TAF2: variants seen among roughly 807,000 people sequenced by gnomAD.
TAF2 encodes transcription initiation factor TFIID subunit 2.
Under a neutral mutation model 138.5 loss-of-function variants are expected in TAF2, and 61 were observed. That is an observed-to-expected ratio of 0.44 (90% CI 0.36 to 0.54). The LOEUF is 0.54. Among genes scored for constraint, TAF2 ranks in the 20% least tolerant of loss-of-function variants. The probability of loss-of-function intolerance (pLI) is 0.00; values close to 1 mark genes in which losing one functional copy is unlikely to be tolerated. For missense variants in TAF2, 1,090 were observed against 1,427.9 expected (o/e 0.76, Z 3.81); for synonymous variants, 475 against 469.9 (o/e 1.01, Z -0.14).
chr8:119,765,414 A>G (rs1213050094), intron 18 of TAF2, among the ~76,000 whole-genome samples: 1 of 152,156 alleles, frequency 6.6e-6, no homozygotes, highest in Non-Finnish European at 1.5e-5. Context: ...AAAAATAAGG[A>G]GTTTTTCAAT....
In TAF2 at chr8:119,789,656, C is replaced by T; in HGVS notation, c.1504G>A (p.Gly502Arg). The change falls in exon 12 of 26, where the codon GGG (glycine) becomes AGG (arginine). Residue 502 changes from glycine to arginine, a missense_variant. By Grantham distance (125) the Gly-to-Arg change is moderately radical. Around this residue, in one of 3 missense-constraint regions of TAF2, gnomAD observed 504 missense variants for 680.9 expected, o/e 0.74. Coordinates refer to ENST00000378164, the MANE Select transcript of TAF2 (RefSeq NM_003184.4). ...ACATTTGAAATGGATTTCAAAAACC[C>T]AGATGTGGAAACCAACATCTGACTC... ...MWSQMLVSTSGFLKSISNVSG... is the reference protein window; with the variant it reads ...MWSQMLVSTSRFLKSISNVSG... The T allele has an allele frequency of 6.2e-7, 1 of 1,613,810 alleles. No homozygotes were observed. Among genetic ancestry groups the T allele is most frequent in the Non-Finnish European group, 8.5e-7 (1 of 1,179,924 alleles).
At chr8:119,791,197 G>A (rs1823403935) in intron 11 of TAF2, 127 bp downstream of exon 11, 2 of 1,073,500 alleles carry the variant, frequency 1.9e-6, no homozygotes, top group African/African-American at 1.6e-5. Flanking sequence ...ATAAAGCACA[G>A]GTTACTTAGT....
chr8:119,766,006 A>G (rs1821395205), intron 18 of TAF2, among the ~76,000 whole-genome samples: 1 of 152,224 alleles, frequency 6.6e-6, no homozygotes, highest in African/African-American at 2.4e-5. Flanking sequence ...ATGCTGAAAT[A>G]GAAAAGACGA....
intron 2 of TAF2, among the ~76,000 whole-genome samples, chr8:119,825,931 A>G (rs1826069525): frequency 6.6e-6 from 1 of 151,102 alleles, no homozygotes; most frequent in African/African-American, 2.4e-5. Flanking sequence ...TGACCTCATG[A>G]TCTGCCCGCC....
intron 16 of TAF2, among the ~76,000 whole-genome samples, chr8:119,781,452 T>C (rs1352214218): frequency 1.3e-5 from 2 of 151,754 alleles, no homozygotes; most frequent in African/African-American, 2.4e-5. Flanking sequence ...CCGAGGCGGG[T>C]GAATCACCTG....
chr8:119,736,886 C>T (rs1819256798), intron 25 of TAF2, among the ~76,000 whole-genome samples: 1 of 152,066 alleles, frequency 6.6e-6, no homozygotes, highest in Admixed American at 6.6e-5. Context: ...ATGTTAATTA[C>T]ATCATGGGTA....
intron 24 of TAF2, among the ~76,000 whole-genome samples, chr8:119,743,472 A>G (rs888089714): frequency 2.0e-5 from 3 of 152,178 alleles, no homozygotes; most frequent in African/African-American, 7.2e-5. Context: ...CATGATATAT[A>G]ATGTACATGT....
At chr8:119,741,421 C>T (rs1819595971) in intron 25 of TAF2, among the ~76,000 whole-genome samples, 1 of 151,974 alleles carries the variant, frequency 6.6e-6, no homozygotes, top group Non-Finnish European at 1.5e-5. Context: ...TTCAAAATTA[C>T]ACCAAAACCA....
In TAF2 at chr8:119,760,734, A is replaced by G. The variant is rs765131073; in HGVS notation, c.2563T>C (p.Leu855=). 1 of 1,613,916 alleles carries G rather than the reference A, an allele frequency of 6.2e-7. No homozygotes were observed. The highest frequency in any genetic ancestry group is 1.7e-5 in the Admixed American group (1 of 60,026). ...SYRHTITVSC[L]RAIRVLQKNG... is the part of the protein sequence containing the mutation. ...TTCTGAAGTACCCGTATGGCTCTCA[A>G]ACAACTAGGGAAAAAAATACGTATG... Residue 855 remains leucine (L), a synonymous_variant, in exon 20 of 26, where the codon TTG becomes CTG. Transcript: ENST00000378164.
chr8:119,787,198 T>A (rs1823075727), intron 14 of TAF2, among the ~76,000 whole-genome samples: 1 of 151,936 alleles, frequency 6.6e-6, no homozygotes, highest in Non-Finnish European at 1.5e-5. Context: ...AACTTAAAGT[T>A]ACAAGAGAAA....
At position 119,832,571 on chromosome 8, in the gene TAF2, G is replaced by A. The variant is rs370013118; in HGVS notation, c.-7C>T. ...CTACACCAGTCAGCGGCATGAAGCG[G>A]TCCCGCGGAGCTTGGCTTCCCGGCT... On this transcript the variant is annotated 5_prime_UTR_variant, in exon 1 of 26. Coordinates refer to ENST00000378164, the MANE Select transcript of TAF2 (RefSeq NM_003184.4). 1.9e-5 allele frequency: 31 copies of A among 1,612,226 alleles called. No individual in the cohort carries two copies. The African/African-American group carries it at 3.6e-4, about 19-fold the overall frequency.
rs114739029 is a variant in TAF2, at chr8:119,777,500, T to C, written c.2364+519A>G. On this transcript the variant is annotated intron_variant, in intron 18 of 25. Coordinates refer to ENST00000378164, the MANE Select transcript of TAF2 (RefSeq NM_003184.4). ...GCACAGCATATACTCTTAAAAACAT[T>C]TGCTGATTGTTGGAATGATAACAAG... Among the ~76,000 whole-genome samples, 1,378 of 152,246 alleles carry C rather than the reference T, an allele frequency of 9.1e-3. 20 individuals are homozygous for C. Among genetic ancestry groups the C allele is most frequent in the African/African-American group, 0.032 (1,314 of 41,534 alleles).
intron 3 of TAF2, among the ~76,000 whole-genome samples, chr8:119,817,348 C>G (rs1825544664): frequency 6.6e-6 from 1 of 152,154 alleles, no homozygotes. Context: ...GCACTAGATT[C>G]TCATAGGAGC....
At chr8:119,767,711 C>G (rs1287395200) in intron 18 of TAF2, among the ~76,000 whole-genome samples, 3 of 152,230 alleles carry the variant, frequency 2.0e-5, no homozygotes, top group Non-Finnish European at 4.4e-5. Context: ...TACAGAGCAG[C>G]AGGCAGACAG....
intron 2 of TAF2, among the ~76,000 whole-genome samples, chr8:119,827,011 T>A (rs1826145245): frequency 6.6e-6 from 1 of 152,078 alleles, no homozygotes; most frequent in Non-Finnish European, 1.5e-5. Context: ...CTAAGCAACA[T>A]GGCAAAACTC....
In TAF2 at chr8:119,784,233, G is replaced by T. The variant is rs141544690; in HGVS notation, c.1860-600C>A. ...TATTATTGTGTACTTACTACAGGCA[G>T]GGTACTTGCTATGGAAAAATCAAAA... On this transcript the variant is annotated intron_variant, in intron 15 of 25. Coordinates refer to ENST00000378164, the MANE Select transcript of TAF2 (RefSeq NM_003184.4). Among the ~76,000 whole-genome samples the T allele has an allele frequency of 4.0e-3, 609 of 152,238 alleles. 8 individuals are homozygous for T. Among genetic ancestry groups the T allele is most frequent in the Non-Finnish European group, 4.0e-3 (271 of 68,024 alleles).
At chr8:119,732,914 A>G (rs1818977982) in intron 25 of TAF2, among the ~76,000 whole-genome samples, 1 of 152,166 alleles carries the variant, frequency 6.6e-6, no homozygotes, top group Admixed American at 6.5e-5. Flanking sequence ...AGATGACAGT[A>G]CAGTTGACCC....
chr8:119,831,831 G>T, intron 1 of TAF2, 100 bp from the exon 2 acceptor site: 6 of 795,480 alleles, frequency 7.5e-6, no homozygotes, highest in Non-Finnish European at 9.2e-6. Context: ...TATGTTCTAA[G>T]TAATTCAAAA....
At chr8:119,742,472 C>CT in intron 25 of TAF2, 62 bp downstream of exon 25, 1 of 1,584,940 alleles carries the variant, frequency 6.3e-7, no homozygotes, top group South Asian at 1.1e-5. Flanking sequence ...TGAAGTAACT[C>CT]TATTACATTT....
Sources: gnomAD v4.1 joint callset for allele counts (sites outside exome capture counted in the v4.1 genomes callset) on GRCh38, gnomAD v4.1.1 for gene constraint, gnomAD v4.1.1 regional missense constraint, MANE v1.5 for transcripts, NCBI Gene and HGNC (gene_info 2026-07-23, HGNC 2026-07-21) for gene names.